Variants in PIGF observed in about 807,000 individuals in gnomAD.
PIGF encodes the protein phosphatidylinositol glycan anchor biosynthesis class F.
In PIGF, 23 loss-of-function variants were observed where a neutral mutation model predicts 26.0. That is an observed-to-expected ratio of 0.88 (90% CI 0.64 to 1.25). PIGF has a LOEUF of 1.25. Among genes scored for constraint, PIGF ranks in the 50% most tolerant of loss-of-function variants. PIGF has a pLI of 0.00. For synonymous variants in PIGF, 93 were observed against 92.6 expected, an observed-to-expected ratio of 1.00 and a Z score of -0.03; for missense variants, 278 against 249.9, an observed-to-expected ratio of 1.11 and a Z score of -0.76.
chr2:46,586,508 C>T (rs1187706544), intron 5 of PIGF, among the ~76,000 whole-genome samples: 1 of 152,024 alleles, frequency 6.6e-6, no homozygotes, highest in Non-Finnish European at 1.5e-5. Context: ...AGAAACTGAC[C>T]TATCTGCAAA....
At chr2:46,603,741 AACT>A (rs1007924734) in intron 4 of PIGF, among the ~76,000 whole-genome samples, 10 of 152,138 alleles carry the variant, frequency 6.6e-5, no homozygotes, top group Non-Finnish European at 1.5e-4. Flanking sequence ...TAAGACCACA[AACT>A]ATGAAACTAC....
At chr2:46,590,983 A>G (rs181795252) in intron 5 of PIGF, among the ~76,000 whole-genome samples, 2 of 152,352 alleles carry the variant, frequency 1.3e-5, no homozygotes, top group African/African-American at 2.4e-5. Flanking sequence ...AAGGCACACA[A>G]TCTGGATCCC....
At chr2:46,593,660 CATGTAGAACAGGAGTCTGG>C (rs1669791704) in intron 4 of PIGF, among the ~76,000 whole-genome samples, 1 of 152,196 alleles carries the variant, frequency 6.6e-6, no homozygotes, top group Non-Finnish European at 1.5e-5. Flanking sequence ...AACACTTCAT[CATGTAGAACAGGAGTCTGG>C]TTACAGTCAG....
intron 4 of PIGF, among the ~76,000 whole-genome samples, chr2:46,592,869 G>A (rs1202583921): frequency 6.6e-6 from 1 of 152,090 alleles, no homozygotes; most frequent in East Asian, 1.9e-4. Context: ...TCAACTCCTG[G>A]TTCCTTTCCC....
chr2:46,595,963 C>G (rs1382348749), intron 4 of PIGF, among the ~76,000 whole-genome samples: 1 of 152,030 alleles, frequency 6.6e-6, no homozygotes, highest in Non-Finnish European at 1.5e-5. Flanking sequence ...GCCTGAAATC[C>G]CAACACTTCA....
At position 46,588,099 on chromosome 2, in the gene PIGF, A is replaced by G. The variant is rs780882798; in HGVS notation, c.546+4376T>C. Reference sequence around the variant, plus strand: ...CCTTGCACTACGGTTGTCAGGATTAAGTTACTCATTTCACAGTACCAAGCC... The same window carrying G: ...CCTTGCACTACGGTTGTCAGGATTAGGTTACTCATTTCACAGTACCAAGCC... On this transcript the variant is annotated intron_variant, in intron 5 of 5. Coordinates refer to ENST00000281382, the MANE Select transcript of PIGF (RefSeq NM_002643.4). This position sits in a 1 kb window ranked among gnomAD's most constrained non-coding sequence, Gnocchi z 4.1. 3.0e-5 allele frequency: 48 copies of G among 1,602,408 alleles called. No homozygotes were observed. In the Middle Eastern group the frequency reaches 2.5e-3, roughly 83 times the overall value.
chr2:46,595,634 G>A (rs187197959), intron 4 of PIGF, among the ~76,000 whole-genome samples: 2 of 152,276 alleles, frequency 1.3e-5, no homozygotes, highest in Admixed American at 6.5e-5. Flanking sequence ...GAATTGTTAG[G>A]TCCTATGGAA....
At chr2:46,605,583 A>G (rs1031270725) in intron 4 of PIGF, among the ~76,000 whole-genome samples, 9 of 152,166 alleles carry the variant, frequency 5.9e-5, no homozygotes, top group African/African-American at 2.2e-4. Flanking sequence ...CCTGCAAAGT[A>G]CATATTAGTT....
intron 3 of PIGF, 121 bp downstream of exon 3, chr2:46,613,573 G>T: frequency 1.5e-6 from 1 of 646,720 alleles, no homozygotes; most frequent in Non-Finnish European, 2.6e-6. Context: ...TGATGTTGGT[G>T]TCCTTACTTG....
intron 4 of PIGF, among the ~76,000 whole-genome samples, chr2:46,597,742 A>G (rs34757886): frequency 0.47 from 70,994 of 151,970 alleles, 16,881 homozygotes; most frequent in Non-Finnish European, 0.49. Flanking sequence ...CACTGCTCCA[A>G]TGTTTTCTGA....
intron 4 of PIGF, among the ~76,000 whole-genome samples, chr2:46,604,453 C>T (rs767045320): frequency 6.6e-6 from 1 of 151,656 alleles, no homozygotes; most frequent in Non-Finnish European, 1.5e-5. Flanking sequence ...TGGAAGCAAC[C>T]TAAGTGTCTA....
intron 1 of PIGF, 157 bp downstream of exon 1, chr2:46,616,813 A>AGG (rs1427269421): frequency 1.5e-5 from 3 of 200,902 alleles, no homozygotes; most frequent in African/African-American, 7.1e-5. Context: ...CGGATCCGAA[A>AGG]GGGGGTCTGT....
intron 4 of PIGF, among the ~76,000 whole-genome samples, chr2:46,609,546 T>G (rs1670338446): frequency 6.6e-6 from 1 of 152,240 alleles, no homozygotes; most frequent in African/African-American, 2.4e-5. Flanking sequence ...ACAACTTAAC[T>G]TTTTCATTAA....
intron 2 of PIGF, chr2:46,614,156 C>G (rs1315860961): frequency 1.3e-5 from 2 of 156,046 alleles, no homozygotes; most frequent in Non-Finnish European, 2.8e-5. Flanking sequence ...GAGGAAATAT[C>G]TGCAGAAAAT....
At chr2:46,613,444 T>G (rs537444606) in intron 3 of PIGF, among the ~76,000 whole-genome samples, 1 of 152,290 alleles carries the variant, frequency 6.6e-6, no homozygotes, top group Non-Finnish European at 1.5e-5. Flanking sequence ...TGGTATAGTA[T>G]AGTTTCTCTA....
chr2:46,612,957 C>A (rs544259198), intron 3 of PIGF, among the ~76,000 whole-genome samples: 1 of 152,140 alleles, frequency 6.6e-6, no homozygotes, highest in South Asian at 2.1e-4. Context: ...ACAGGAACCA[C>A]CATTTTCCAT....
At chr2:46,581,641 C>A (rs1264646730) in intron 5 of PIGF, 50 bp from the exon 6 acceptor site, 1 of 1,582,596 alleles carries the variant, frequency 6.3e-7, no homozygotes, top group African/African-American at 1.4e-5. Context: ...TTTATTATTA[C>A]TTGAGCACAA....
At chr2:46,586,192 A>T (rs562897530) in intron 5 of PIGF, among the ~76,000 whole-genome samples, 1 of 152,308 alleles carries the variant, frequency 6.6e-6, no homozygotes, top group South Asian at 2.1e-4. Context: ...TTACCTCAGA[A>T]GGTTACCCTG....
intron 2 of PIGF, chr2:46,614,418 A>C (rs1273825183): frequency 6.5e-6 from 1 of 154,168 alleles, no homozygotes; most frequent in East Asian, 1.9e-4. Context: ...AATAATGTTA[A>C]GTGTGGACAT....
Sources: allele counts gnomAD v4.1 joint callset (sites outside exome capture counted in the v4.1 genomes callset), GRCh38; gene constraint gnomAD v4.1.1; non-coding constraint Gnocchi (gnomAD v3.1); transcripts MANE v1.5; gene names NCBI Gene and HGNC (gene_info 2026-07-23, HGNC 2026-07-21).